The following CEP85L variants were observed in gnomAD, a reference collection of about 807,000 sequenced individuals.
CEP85L encodes the protein centrosomal protein 85L.
In CEP85L, 60 loss-of-function variants were observed where a neutral mutation model predicts 100.3. That is an observed-to-expected ratio of 0.60 (90% CI 0.49 to 0.74). The LOEUF (loss-of-function observed/expected upper bound fraction) is 0.74. CEP85L is among the 30% of genes least tolerant of loss of function. The probability of loss-of-function intolerance (pLI) is 0.00; values close to 1 mark genes in which losing one functional copy is unlikely to be tolerated. For synonymous variants in CEP85L, 319 were observed against 322.7 expected (o/e 0.99, Z 0.12); for missense variants, 973 against 936.2 (o/e 1.04, Z -0.51).
Position 118,651,332 on chromosome 6 carries a change from T to A in CEP85L, c.-63A>T. 1 of 1,389,444 alleles carries A rather than the reference T, an allele frequency of 7.2e-7. No individual in the cohort carries two copies. Among genetic ancestry groups the A allele is most frequent in the Non-Finnish European group, 9.3e-7 (1 of 1,072,624 alleles). 86.1% of individuals were successfully genotyped at this position (1,389,444 alleles called of 1,614,324 possible). ...CTCCTCACGTCCGTCCTCCTGCTTC[T>A]TCGGCGGCGGAAACTTGCGCGGAGC... On this transcript the variant is annotated 5_prime_UTR_variant, in exon 1 of 13. In the 5' UTR this introduces an upstream ATG that the reference lacks. Transcript: ENST00000368491.
intron 1 of CEP85L, among the ~76,000 whole-genome samples, chr6:118,703,101 T>C (rs951226853): frequency 6.6e-6 from 1 of 152,122 alleles, no homozygotes; most frequent in Admixed American, 6.5e-5. Context: ...AAGTGACGAT[T>C]TGTGACTTCT....
intron 4 of CEP85L, among the ~76,000 whole-genome samples, chr6:118,519,581 T>C (rs556785551): frequency 0.44 from 1,269 of 2,896 alleles, 234 homozygotes; most frequent in Non-Finnish European, 0.5. Flanking sequence ...TGTGTGTGTG[T>C]GGCGGGGGGG....
intron 2 of CEP85L, among the ~76,000 whole-genome samples, chr6:118,572,930 T>C (rs1779993595): frequency 6.6e-6 from 1 of 151,960 alleles, no homozygotes; most frequent in East Asian, 1.9e-4. Flanking sequence ...GGCGCAGTGG[T>C]GCACGCCTCT....
intron 2 of CEP85L, among the ~76,000 whole-genome samples, chr6:118,613,147 G>T (rs570394563): frequency 1.3e-5 from 2 of 151,896 alleles, no homozygotes; most frequent in Non-Finnish European, 2.9e-5. Context: ...GCGGGCAGAG[G>T]TTGCAGTGAG....
At chr6:118,684,396 C>T (rs1562358200) in intron 1 of CEP85L, among the ~76,000 whole-genome samples, 1 of 152,112 alleles carries the variant, frequency 6.6e-6, no homozygotes, top group Non-Finnish European at 1.5e-5. Flanking sequence ...ACTAGGGAGG[C>T]TGAACTGGGA....
intron 1 of CEP85L, chr6:118,646,833 A>T (rs957176417): frequency 1.6e-6 from 1 of 617,348 alleles, no homozygotes; most frequent in African/African-American, 2.0e-5. Flanking sequence ...CAGTCTGAAA[A>T]ATCATGACTC....
intron 5 of CEP85L, among the ~76,000 whole-genome samples, chr6:118,495,190 G>A (rs183740193): frequency 1.5e-3 from 229 of 152,038 alleles, no homozygotes; most frequent in African/African-American, 5.3e-3. Flanking sequence ...TTGGACTTTC[G>A]GGTTAATGCT....
rs77980946 is a variant in CEP85L, at chr6:118,549,774, C to T, written c.1020+15755G>A. Among the ~76,000 whole-genome samples the T allele has an allele frequency of 2.6e-3, 396 of 151,802 alleles. 1 individual carries two copies. The highest frequency in any genetic ancestry group is 9.1e-3 in the African/African-American group (379 of 41,488). ...TCTCACACTTCAAATTGGGTGTTCACGAGTTATTTTATTGTATCAGAATTT... is the reference window on the plus strand; with the variant it reads ...TCTCACACTTCAAATTGGGTGTTCATGAGTTATTTTATTGTATCAGAATTT... On this transcript the variant is annotated intron_variant, in intron 3 of 12. Transcript: ENST00000368491.
chr6:118,548,900 G>A (rs577182468), intron 3 of CEP85L, among the ~76,000 whole-genome samples: 1 of 152,066 alleles, frequency 6.6e-6, no homozygotes, highest in African/African-American at 2.4e-5. Flanking sequence ...ATTTCATACA[G>A]TGAATAATGA....
chr6:118,497,273 G>C (rs1395840610), intron 5 of CEP85L, among the ~76,000 whole-genome samples: 1 of 152,140 alleles, frequency 6.6e-6, no homozygotes, highest in Non-Finnish European at 1.5e-5. Context: ...GCACTGAAAA[G>C]CCTGCTTCCA....
At chr6:118,651,116 G>A (rs1192256700) in intron 1 of CEP85L, 81 bp downstream of exon 1, 6 of 1,429,638 alleles carry the variant, frequency 4.2e-6, no homozygotes, top group Non-Finnish European at 3.6e-6. Context: ...CCTGAGGCGG[G>A]AGGGGAGCGG....
chr6:118,510,661 A>G (rs930324851), intron 5 of CEP85L, among the ~76,000 whole-genome samples: 2 of 152,170 alleles, frequency 1.3e-5, no homozygotes, highest in Non-Finnish European at 2.9e-5. Flanking sequence ...GCAATTTGAC[A>G]GTATCAGTAA....
intron 1 of CEP85L, among the ~76,000 whole-genome samples, chr6:118,688,276 C>G (rs1315211316): frequency 1.3e-5 from 2 of 152,188 alleles, no homozygotes; most frequent in Non-Finnish European, 2.9e-5. Context: ...GCTGGGATTA[C>G]AAACATGAGC....
chr6:118,558,660 C>CACACACACACACAGAG (rs1318088942), intron 3 of CEP85L, among the ~76,000 whole-genome samples: 2 of 122,216 alleles, frequency 1.6e-5, no homozygotes, highest in African/African-American at 6.5e-5. Context: ...CACACACACA[C>CACACACACACACAGAG]AGAGAGAGAG....
chr6:118,592,723 T>C (rs1186989510), intron 2 of CEP85L, among the ~76,000 whole-genome samples: 2 of 152,016 alleles, frequency 1.3e-5, no homozygotes, highest in African/African-American at 4.8e-5. Context: ...AAACCTCTTA[T>C]CATGATCATG....
chr6:118,548,228 AATTCCTATGTGAC>A (rs1211611552), intron 3 of CEP85L: 1 of 152,130 alleles, frequency 6.6e-6, no homozygotes, highest in Non-Finnish European at 1.5e-5. Flanking sequence ...GAAACTTCAG[AATTCCTATGTGAC>A]ATCATAAGAC....
intron 1 of CEP85L, among the ~76,000 whole-genome samples, chr6:118,676,423 T>C (rs1007613143): frequency 2.0e-5 from 3 of 152,240 alleles, no homozygotes; most frequent in East Asian, 3.8e-4. Context: ...CACATTATCA[T>C]TGACTTCATG....
intron 4 of CEP85L, among the ~76,000 whole-genome samples, chr6:118,519,514 C>CG (rs1436748598): frequency 4.0e-5 from 1 of 25,056 alleles, no homozygotes; most frequent in Non-Finnish European, 7.2e-5. Flanking sequence ...GTGTGTGTGG[C>CG]GGGGGGGTTG....
chr6:118,683,580 G>C (rs1776737080), intron 1 of CEP85L, among the ~76,000 whole-genome samples: 1 of 152,182 alleles, frequency 6.6e-6, no homozygotes, highest in South Asian at 2.1e-4. Flanking sequence ...AGTGTGGTTT[G>C]ACAAAGACCA....
Sources: gnomAD v4.1 joint callset for allele counts (sites outside exome capture counted in the v4.1 genomes callset) on GRCh38, gnomAD v4.1.1 for gene constraint, MANE v1.5 for transcripts, NCBI Gene and HGNC (gene_info 2026-07-23, HGNC 2026-07-21) for gene names.